Variants in NFIC observed in about 807,000 individuals in gnomAD.
NFIC encodes nuclear factor 1 C-type.
In NFIC, 12 loss-of-function variants were observed where a neutral mutation model predicts 54.4. That is an observed-to-expected ratio of 0.22 (90% CI 0.14 to 0.36). NFIC has a LOEUF of 0.36. Among genes scored for constraint, NFIC ranks in the 10% least tolerant of loss-of-function variants. The pLI is 1.00. For synonymous variants in NFIC, 322 were observed against 319.2 expected, an observed-to-expected ratio of 1.01 and a Z score of -0.09; for missense variants, 575 against 718.2, an observed-to-expected ratio of 0.80 and a Z score of 2.28.
chr19:3,451,697 T>C (rs1000873506), intron 7 of NFIC, among the ~76,000 whole-genome samples: 1 of 151,410 alleles, frequency 6.6e-6, no homozygotes, highest in African/African-American at 2.4e-5. Context: ...CCTAGATTTA[T>C]AGTGTAGACT....
intron 2 of NFIC, 99 bp downstream of exon 2, chr19:3,382,342 G>T: frequency 6.8e-7 from 1 of 1,470,558 alleles, no homozygotes; most frequent in Non-Finnish European, 9.1e-7. Context: ...CAGTGCGTGT[G>T]GGTATGATGT....
chr19:3,464,649 A>AC lies in NFIC; in HGVS notation c.*1886dup. On this transcript the variant is annotated 3_prime_UTR_variant, in exon 11 of 11. Coordinates refer to ENST00000443272, the MANE Select transcript of NFIC (RefSeq NM_001245002.2). ...CCGGGTCTCACCTGCTCCTAGCCTC[A>AC]CCCCCCTGCCCCCGAAAACCAGACT... 3.1e-6 allele frequency: 3 copies of AC among 966,408 alleles called. No homozygotes were observed. Among genetic ancestry groups the AC allele is most frequent in the East Asian group, 1.2e-4 (1 of 8,252 alleles). 59.9% of individuals were successfully genotyped at this position (966,408 alleles called of 1,614,324 possible). A position where few individuals can be genotyped will look rare whatever the true frequency, so the allele number is the denominator to read the frequency against.
Position 3,452,619 on chromosome 19 carries a change from G to A in NFIC, c.1222G>A (p.Asp408Asn). The change falls in exon 8 of 11, where the codon GAT becomes AAT. Residue 408 changes from aspartate (D) to asparagine (N), a missense_variant. This residue lies in a region of NFIC where 447 missense variants were observed against 526.9 expected (regional missense o/e 0.85). Transcript: ENST00000443272. The surrounding 1 kb of genome is among the most constrained non-coding windows in gnomAD (Gnocchi z 5.3). ...TCTCAACCCCCAGGACCCGCTCAAA[G>A]ATCTTGTCTCGCTGGCCTGCGACCC... ...PHLNPQDPLKDLVSLACDPAS... is the reference protein window; with the variant it reads ...PHLNPQDPLKNLVSLACDPAS... 1 of 1,613,368 alleles carries A rather than the reference G, an allele frequency of 6.2e-7. No homozygotes were observed. Among genetic ancestry groups the A allele is most frequent in the Non-Finnish European group, 8.5e-7 (1 of 1,179,820 alleles).
At chr19:3,413,764 G>T (rs1402358275) in intron 2 of NFIC, among the ~76,000 whole-genome samples, 2 of 152,038 alleles carry the variant, frequency 1.3e-5, no homozygotes, top group Admixed American at 1.3e-4. Flanking sequence ...AGCCTCCGGA[G>T]CAGCTGGGAT....
At chr19:3,461,224 C>T (rs1443553335) in intron 10 of NFIC, among the ~76,000 whole-genome samples, 1 of 148,520 alleles carries the variant, frequency 6.7e-6, no homozygotes, top group East Asian at 2.0e-4. Flanking sequence ...AGTTCAAGGC[C>T]AGCCTGGTCT....
At chr19:3,445,789 TG>T (rs1021051003) in intron 6 of NFIC, among the ~76,000 whole-genome samples, 3 of 151,548 alleles carry the variant, frequency 2.0e-5, no homozygotes, top group African/African-American at 7.3e-5. Context: ...ATGGAGGAGG[TG>T]GGGACAGGAC....
intron 1 of NFIC, among the ~76,000 whole-genome samples, chr19:3,374,671 GA>G (rs2081074955): frequency 6.6e-6 from 1 of 152,194 alleles, no homozygotes; most frequent in African/African-American, 2.4e-5. Context: ...ATAGGGCGTT[GA>G]GGGATGTGTA....
Position 3,463,976 on chromosome 19 carries a change from G to A in NFIC, c.*1207G>A. The A allele has an allele frequency of 1.0e-6, 1 of 985,058 alleles. No individual in the cohort carries two copies. Among genetic ancestry groups the A allele is most frequent in the Non-Finnish European group, 1.2e-6 (1 of 829,882 alleles). The allele number at this position is 985,058 out of a possible 1,614,324, so 61.0% of individuals were successfully genotyped here. A position where few individuals can be genotyped will look rare whatever the true frequency, so the allele number is the denominator to read the frequency against. On this transcript the variant is annotated 3_prime_UTR_variant, in exon 11 of 11. Transcript: ENST00000443272. ...CGCCGTGCCCCCCCAGAGCTAGAGA[G>A]ATGGGGCCCCTGCGTGGCCCGAGGG...
intron 7 of NFIC, among the ~76,000 whole-genome samples, chr19:3,450,365 C>CTCCA (rs2082442351): frequency 8.9e-6 from 1 of 112,164 alleles, no homozygotes; most frequent in South Asian, 2.8e-4. Flanking sequence ...AAAGAGACAT[C>CTCCA]TCCATCTCGG....
intron 4 of NFIC, 110 bp downstream of exon 4, chr19:3,433,702 T>G (rs897325435): frequency 3.4e-6 from 4 of 1,184,932 alleles, no homozygotes; most frequent in Non-Finnish European, 4.8e-6. Flanking sequence ...GACAACCCCC[T>G]GTGTCACTAA....
chr19:3,382,322 GGGA>G, intron 2 of NFIC, 79 bp downstream of exon 2: 1 of 1,540,064 alleles, frequency 6.5e-7, no homozygotes, highest in Non-Finnish European at 8.7e-7. Context: ...GAGGGCCTGA[GGGA>G]GGAGGCCAGT....
At chr19:3,437,607 G>A (rs1487338716) in intron 6 of NFIC, among the ~76,000 whole-genome samples, 2 of 142,562 alleles carry the variant, frequency 1.4e-5, no homozygotes, top group East Asian at 4.4e-4. Flanking sequence ...GTGCACGCCA[G>A]CCTGGGCAAC....
At chr19:3,454,853 G>A (rs563578904) in intron 9 of NFIC, among the ~76,000 whole-genome samples, 48 of 151,754 alleles carry the variant, frequency 3.2e-4, no homozygotes, top group Non-Finnish European at 4.9e-4. Context: ...TCCTGTCCCC[G>A]TCCCCACTGC....
rs959349706 is a variant in NFIC at position 3,459,347 on chromosome 19, C to G, written c.1509+2712C>G. 6.6e-6 allele frequency among the ~76,000 whole-genome samples: 1 copy of G among 152,122 alleles called. No homozygotes were observed. The highest frequency in any genetic ancestry group is 1.5e-5 in the Non-Finnish European group (1 of 68,008). On this transcript the variant is annotated intron_variant, in intron 10 of 10. Transcript: ENST00000443272. This position sits in a 1 kb window ranked among gnomAD's most constrained non-coding sequence, Gnocchi z 4.2. ...CCATGTCCGTCCCTATCAATCCCCC[C>G]ACTGTGAGGCTGGGTGGCTCTGACG...
chr19:3,463,612 T>TGG lies in NFIC; in HGVS notation c.*844_*845dup. 6 of 972,582 alleles carry TGG rather than the reference T, an allele frequency of 6.2e-6. No individual in the cohort carries two copies. The highest frequency in any genetic ancestry group is 7.3e-6 in the Non-Finnish European group (6 of 821,206). 60.2% of individuals were successfully genotyped at this position (972,582 alleles called of 1,614,324 possible). A position where few individuals can be genotyped will look rare whatever the true frequency, so the allele number is the denominator to read the frequency against. On this transcript the variant is annotated 3_prime_UTR_variant, in exon 11 of 11. Transcript: ENST00000443272. ...TTGGGAGGAGAAGTCTCTATGCAAT[T>TGG]GGCCCCGGCCCCTCCACCCCCCACC...
At chr19:3,438,112 G>A (rs1396638327) in intron 6 of NFIC, among the ~76,000 whole-genome samples, 1 of 152,162 alleles carries the variant, frequency 6.6e-6, no homozygotes, top group Non-Finnish European at 1.5e-5. Flanking sequence ...AAAAATTGTA[G>A]CTTTAAGTCT....
chr19:3,435,311 C>A lies in NFIC; in HGVS notation c.958+104C>A, dbSNP rs1469417926. The A allele has an allele frequency of 6.4e-6, 9 of 1,406,948 alleles. No homozygotes were observed. In the African/African-American group the frequency reaches 1.0e-4, roughly 16 times the overall value. The allele number at this position is 1,406,948 out of a possible 1,614,324, so 87.2% of individuals were successfully genotyped here. A position where few individuals can be genotyped will look rare whatever the true frequency, so the allele number is the denominator to read the frequency against. The stretch of plus-strand genomic sequence containing the variant: ...GCGCGGGCGCCGCGGGGCAGGAAGC[C>A]GGCCTGGAGCCGCGGGGCCTCCTGG... On this transcript the variant is annotated intron_variant, in intron 6 of 10. Coordinates refer to ENST00000443272, the MANE Select transcript of NFIC (RefSeq NM_001245002.2).
At chr19:3,367,062 C>A (rs1010830533) in intron 1 of NFIC, among the ~76,000 whole-genome samples, 1 of 152,082 alleles carries the variant, frequency 6.6e-6, no homozygotes, top group Admixed American at 6.5e-5. Flanking sequence ...GGGAAGCCCC[C>A]CGCCTGCCTC....
intron 2 of NFIC, among the ~76,000 whole-genome samples, chr19:3,384,429 C>A (rs2081261165): frequency 6.6e-6 from 1 of 151,672 alleles, no homozygotes; most frequent in Non-Finnish European, 1.5e-5. Context: ...CGCCCTGTTC[C>A]CCGGGCTGGA....
Sources: gnomAD v4.1 joint callset for allele counts (sites outside exome capture counted in the v4.1 genomes callset) on GRCh38, gnomAD v4.1.1 for gene constraint, gnomAD v4.1.1 regional missense constraint, Gnocchi (gnomAD v3.1) non-coding constraint, MANE v1.5 for transcripts, NCBI Gene and HGNC (gene_info 2026-07-23, HGNC 2026-07-21) for gene names.